Variants in BTBD9 observed in about 807,000 individuals in gnomAD.
BTBD9 encodes the protein BTB domain containing 9.
BTBD9 carries 49 observed loss-of-function variants against 64.3 expected under a neutral mutation model. The observed-to-expected ratio is 0.76, with a 90% confidence interval of 0.61 to 0.97. The LOEUF (loss-of-function observed/expected upper bound fraction) is 0.97. BTBD9 is among the 50% of genes least tolerant of loss of function. The pLI is 0.00. For missense variants in BTBD9, 598 were observed against 762.1 expected, an observed-to-expected ratio of 0.78 and a Z score of 2.53; for synonymous variants, 260 against 274.7, an observed-to-expected ratio of 0.95 and a Z score of 0.53.
At chr6:38,331,134 T>C (rs1763659887) in intron 7 of BTBD9, among the ~76,000 whole-genome samples, 1 of 152,206 alleles carries the variant, frequency 6.6e-6, no homozygotes, top group Non-Finnish European at 1.5e-5. Flanking sequence ...ACATTTGCAA[T>C]GTATATAAAA....
At chr6:38,548,211 T>C (rs982551541) in intron 6 of BTBD9, among the ~76,000 whole-genome samples, 1 of 152,220 alleles carries the variant, frequency 6.6e-6, no homozygotes, top group East Asian at 1.9e-4. Context: ...TAAGAAGTGA[T>C]AGGATTACTT....
intron 9 of BTBD9, among the ~76,000 whole-genome samples, chr6:38,253,810 C>T (rs1764483068): frequency 6.6e-6 from 1 of 152,032 alleles, no homozygotes; most frequent in Non-Finnish European, 1.5e-5. Flanking sequence ...CCCTTTTCAT[C>T]ATCTAGCTCG....
intron 7 of BTBD9, among the ~76,000 whole-genome samples, chr6:38,316,524 G>A (rs558312273): frequency 6.6e-6 from 1 of 152,096 alleles, no homozygotes; most frequent in East Asian, 1.9e-4. Context: ...ATTTTAAACT[G>A]TTAACAACAC....
At chr6:38,256,370 T>G in intron 9 of BTBD9, 39 bp downstream of exon 9, 1 of 1,478,458 alleles carries the variant, frequency 6.8e-7, no homozygotes, top group Non-Finnish European at 9.4e-7. Context: ...GAAGACTGTC[T>G]TTTCAATAGG....
intron 10 of BTBD9, chr6:38,179,434 T>C (rs1388556567): frequency 8.8e-6 from 4 of 456,640 alleles, no homozygotes; most frequent in Non-Finnish European, 1.8e-5. Flanking sequence ...GCGGGCATAC[T>C]GCGGTGCTAC....
intron 9 of BTBD9, among the ~76,000 whole-genome samples, chr6:38,220,212 T>C (rs775677812): frequency 7.2e-5 from 11 of 152,210 alleles, no homozygotes; most frequent in Non-Finnish European, 1.5e-4. Flanking sequence ...GGCCCCACCT[T>C]CCTCAGCACT....
At chr6:38,353,458 G>A (rs1376932111) in intron 6 of BTBD9, among the ~76,000 whole-genome samples, 1 of 152,042 alleles carries the variant, frequency 6.6e-6, no homozygotes, top group Non-Finnish European at 1.5e-5. Flanking sequence ...AGAGGAGCAA[G>A]GGAGAAAGAG....
At chr6:38,573,804 A>T (rs1775896537) in intron 6 of BTBD9, among the ~76,000 whole-genome samples, 2 of 152,072 alleles carry the variant, frequency 1.3e-5, no homozygotes. Context: ...TTTTAAGAGC[A>T]CCCCCCAGAG....
At chr6:38,608,889 CTT>C (rs555500156) in intron 1 of BTBD9, among the ~76,000 whole-genome samples, 23 of 152,092 alleles carry the variant, frequency 1.5e-4, no homozygotes, top group Non-Finnish European at 3.2e-4. Context: ...TGAACATTGA[CTT>C]TATTCTAACT....
At chr6:38,591,726 G>A (rs963801028) in intron 4 of BTBD9, among the ~76,000 whole-genome samples, 5 of 152,100 alleles carry the variant, frequency 3.3e-5, no homozygotes, top group South Asian at 2.1e-4. Context: ...GAATTAAATC[G>A]TGTAGGACCT....
intron 6 of BTBD9, among the ~76,000 whole-genome samples, chr6:38,550,315 C>G (rs1487241605): frequency 9.4e-6 from 1 of 106,820 alleles, no homozygotes; most frequent in Non-Finnish European, 1.9e-5. Context: ...TTTTCTTTTT[C>G]TTTTTTCTTT....
chr6:38,605,680 T>C (rs1777407926), intron 1 of BTBD9, among the ~76,000 whole-genome samples: 1 of 152,172 alleles, frequency 6.6e-6, no homozygotes, highest in Non-Finnish European at 1.5e-5. Context: ...TAGCCTGGCA[T>C]GGTGGTGTGC....
chr6:38,627,121 T>C (rs1582738257), intron 1 of BTBD9, among the ~76,000 whole-genome samples: 3 of 152,254 alleles, frequency 2.0e-5, no homozygotes, highest in East Asian at 3.9e-4. Flanking sequence ...ATGAACTATC[T>C]GAGAGAACTT....
At chr6:38,303,709 G>A (rs1762495359) in intron 7 of BTBD9, among the ~76,000 whole-genome samples, 1 of 151,144 alleles carries the variant, frequency 6.6e-6, no homozygotes, top group Non-Finnish European at 1.5e-5. Flanking sequence ...AACTCTTTGG[G>A]AAAAAAAGGC....
chr6:38,373,155 G>T (rs898799255), intron 6 of BTBD9, among the ~76,000 whole-genome samples: 2 of 152,240 alleles, frequency 1.3e-5, no homozygotes, highest in Middle Eastern at 3.4e-3. Flanking sequence ...TGTGTCATTT[G>T]CTCTTTCCAG....
chr6:38,351,504 GTTGTTT>G (rs1562062734), intron 6 of BTBD9, among the ~76,000 whole-genome samples: 1 of 96,696 alleles, frequency 1.0e-5, no homozygotes, highest in Non-Finnish European at 2.0e-5. Context: ...TTTAATTGTT[GTTGTTT>G]TTTTTTTTTT....
intron 6 of BTBD9, among the ~76,000 whole-genome samples, chr6:38,527,296 A>AAAAAAAAAATT (rs1491006010): frequency 8.2e-6 from 1 of 121,572 alleles, no homozygotes; most frequent in African/African-American, 2.9e-5. Flanking sequence ...AAAAAAAAAA[A>AAAAAAAAAATT]GATGTGATTT....
At position 38,266,587 on chromosome 6, in the gene BTBD9, GGAAAGAAAGGAAAGAAAGGAAA is replaced by G. The variant is rs1246006342; in HGVS notation, c.1455-10093_1455-10072del. On this transcript the variant is annotated intron_variant, in intron 8 of 10. Transcript: ENST00000481247. ...AAACTCAGTCTCAACAAGAAAGAAA[GGAAAGAAAGGAAAGAAAGGAAA>G]GAAAGAAAGAAAGAAAGAAAGAAAG... Among the ~76,000 whole-genome samples the G allele has an allele frequency of 3.2e-3, 271 of 85,340 alleles. 2 individuals are homozygous for G. Among genetic ancestry groups the G allele is most frequent in the East Asian group, 0.015 (48 of 3,132 alleles). The allele number at this position is 85,340 out of a possible 152,430, so 56.0% of individuals were successfully genotyped here. A position where few individuals can be genotyped will look rare whatever the true frequency, so the allele number is the denominator to read the frequency against.
At chr6:38,504,674 G>T in intron 6 of BTBD9, 1 of 448,576 alleles carries the variant, frequency 2.2e-6, no homozygotes, top group South Asian at 1.6e-5. Flanking sequence ...TTCCTAGAAT[G>T]TTTCCTATAT....
Sources: allele counts gnomAD v4.1 joint callset (sites outside exome capture counted in the v4.1 genomes callset), GRCh38; gene constraint gnomAD v4.1.1; transcripts MANE v1.5; gene names NCBI Gene and HGNC (gene_info 2026-07-23, HGNC 2026-07-21).